The following PARD3 variants were observed in gnomAD, a reference collection of about 807,000 sequenced individuals.
PARD3 encodes the protein par-3 family cell polarity regulator.
A neutral mutation model predicts 155.4 loss-of-function variants in PARD3; 75 were observed. The ratio of observed to expected loss-of-function variants is 0.48; its 90% confidence interval spans 0.40 to 0.58. PARD3 has a LOEUF of 0.58. Among genes scored for constraint, PARD3 ranks in the 20% least tolerant of loss-of-function variants. The pLI, the probability that PARD3 is intolerant of heterozygous loss-of-function variation, is 0.00. For missense variants in PARD3, 1,642 were observed against 1,721.7 expected (o/e 0.95, Z 0.82); for synonymous variants, 576 against 610.5 (o/e 0.94, Z 0.83).
intron 2 of PARD3, among the ~76,000 whole-genome samples, chr10:34,630,819 ATTTATTTATTTAT>A (rs1180711050): frequency 6.8e-6 from 1 of 148,066 alleles, no homozygotes; most frequent in African/African-American, 2.5e-5. Flanking sequence ...TTATTTATTT[ATTTATTTATTTAT>A]TTATTTATTG....
intron 15 of PARD3, among the ~76,000 whole-genome samples, chr10:34,347,392 C>T (rs1803184390): frequency 6.6e-6 from 1 of 152,182 alleles, no homozygotes; most frequent in Admixed American, 6.5e-5. Flanking sequence ...TAGGATGGTA[C>T]TGAATCCAAA....
At chr10:34,474,948 A>G (rs2078612866) in intron 3 of PARD3, among the ~76,000 whole-genome samples, 1 of 152,190 alleles carries the variant, frequency 6.6e-6, no homozygotes, top group African/African-American at 2.4e-5. Context: ...CAAATTTCAG[A>G]AATGTTAAGA....
At chr10:34,112,778 T>C (rs12764633) in intron 24 of PARD3, among the ~76,000 whole-genome samples, 1,741 of 152,322 alleles carry the variant, frequency 0.011, 26 homozygotes, top group Admixed American at 0.05. Flanking sequence ...ATGCACCCAT[T>C]TTCCATATGG....
chr10:34,634,562 T>G (rs1431384319), intron 2 of PARD3, among the ~76,000 whole-genome samples: 4 of 152,066 alleles, frequency 2.6e-5, no homozygotes, highest in Non-Finnish European at 5.9e-5. Flanking sequence ...CAGAAGAAAC[T>G]GAAAGCAGGA....
intron 22 of PARD3, among the ~76,000 whole-genome samples, chr10:34,177,820 T>TG (rs1950103360): frequency 1.3e-5 from 2 of 152,184 alleles, no homozygotes; most frequent in Non-Finnish European, 2.9e-5. Flanking sequence ...CACCAGAAAG[T>TG]GGGGGTCCTC....
intron 2 of PARD3, among the ~76,000 whole-genome samples, chr10:34,679,537 C>T (rs1052122439): frequency 6.6e-6 from 1 of 152,136 alleles, no homozygotes; most frequent in Non-Finnish European, 1.5e-5. Context: ...TCTCTTCTTC[C>T]AGTGAATGAG....
chr10:34,777,960 G>A (rs80057450), intron 1 of PARD3, among the ~76,000 whole-genome samples: 3,580 of 152,252 alleles, frequency 0.024, 141 homozygotes, highest in African/African-American at 0.082. Context: ...CTGCTGCCAA[G>A]TTACCACCAC....
intron 3 of PARD3, among the ~76,000 whole-genome samples, chr10:34,500,421 T>C (rs1413158530): frequency 6.6e-6 from 1 of 152,208 alleles, no homozygotes; most frequent in Non-Finnish European, 1.5e-5. Flanking sequence ...ATTTTTAAAG[T>C]TTCTGTCCAA....
intron 1 of PARD3, among the ~76,000 whole-genome samples, chr10:34,785,702 T>C (rs1489067561): frequency 2.0e-5 from 3 of 152,188 alleles, no homozygotes; most frequent in Non-Finnish European, 2.9e-5. Context: ...ACATCACTAA[T>C]GTGCATTTAT....
chr10:34,298,525 G>C (rs1487324078), intron 20 of PARD3, among the ~76,000 whole-genome samples: 2 of 152,306 alleles, frequency 1.3e-5, no homozygotes, highest in Non-Finnish European at 2.9e-5. Flanking sequence ...CGGCTTATAT[G>C]AGGTAGCTCA....
At chr10:34,544,871 A>C (rs1216514962) in intron 2 of PARD3, among the ~76,000 whole-genome samples, 1 of 152,212 alleles carries the variant, frequency 6.6e-6, no homozygotes, top group Admixed American at 6.5e-5. Flanking sequence ...CCTCTTGCTT[A>C]GTGAAGTTAA....
At chr10:34,456,444 C>A (rs892000124) in intron 4 of PARD3, among the ~76,000 whole-genome samples, 24 of 151,982 alleles carry the variant, frequency 1.6e-4, no homozygotes, top group African/African-American at 5.8e-4. Flanking sequence ...TTACAGGCAC[C>A]CACCATCATG....
chr10:34,242,867 G>A (rs531499639), intron 22 of PARD3, among the ~76,000 whole-genome samples: 45 of 152,126 alleles, frequency 3.0e-4, no homozygotes, highest in South Asian at 8.3e-4. Context: ...TCTGGGAGGC[G>A]GAGGTTGTAG....
chr10:34,488,717 T>TG (rs1168436073), intron 3 of PARD3: 1 of 153,790 alleles, frequency 6.5e-6, no homozygotes, highest in Non-Finnish European at 1.5e-5. Context: ...CTTTGGCTGG[T>TG]GAAGCTACAC....
intron 2 of PARD3, among the ~76,000 whole-genome samples, chr10:34,608,663 TA>T: frequency 6.6e-6 from 1 of 150,954 alleles, no homozygotes; most frequent in African/African-American, 2.4e-5. Context: ...GCCTCCCGAG[TA>T]GCTGGGATTA....
At chr10:34,709,189 T>A (rs2094414050) in intron 1 of PARD3, among the ~76,000 whole-genome samples, 1 of 152,120 alleles carries the variant, frequency 6.6e-6, no homozygotes, top group African/African-American at 2.4e-5. Context: ...ACAAAAAAAG[T>A]CATTTATGTT....
intron 7 of PARD3, among the ~76,000 whole-genome samples, chr10:34,393,552 AGAGT>A (rs1383868539): frequency 6.6e-6 from 1 of 151,680 alleles, no homozygotes; most frequent in Admixed American, 6.6e-5. Context: ...CCCGGGCAAC[AGAGT>A]GAGAAGCTAT....
chr10:34,384,719 G>A (rs1842176431), intron 7 of PARD3, among the ~76,000 whole-genome samples: 2 of 152,190 alleles, frequency 1.3e-5, no homozygotes, highest in South Asian at 2.1e-4. Flanking sequence ...TGCACTGCAG[G>A]TTTGAGAATG....
intron 22 of PARD3, among the ~76,000 whole-genome samples, chr10:34,176,112 A>G (rs965784285): frequency 1.3e-5 from 2 of 152,230 alleles, no homozygotes; most frequent in Non-Finnish European, 2.9e-5. Context: ...GATTTTTACC[A>G]TAAGGTGTCA....
Sources: allele counts gnomAD v4.1 joint callset (sites outside exome capture counted in the v4.1 genomes callset), GRCh38; gene constraint gnomAD v4.1.1; transcripts MANE v1.5; gene names NCBI Gene and HGNC (gene_info 2026-07-23, HGNC 2026-07-21).